Variants in GLIS3 observed in about 807,000 individuals in gnomAD.
GLIS3 encodes GLIS family zinc finger 3.
Under a neutral mutation model 78.6 loss-of-function variants are expected in GLIS3, and 53 were observed. That is an observed-to-expected ratio of 0.67 (90% confidence interval 0.54 to 0.85). GLIS3 has a LOEUF of 0.85. Ranked by LOEUF, GLIS3 falls within the 40% of genes least tolerant of loss-of-function variation. The probability of loss-of-function intolerance (pLI) is 0.00; values close to 1 mark genes in which losing one functional copy is unlikely to be tolerated. For synonymous variants in GLIS3, 684 were observed against 509.9 expected, an observed-to-expected ratio of 1.34 and a Z score of -4.60; for missense variants, 1,703 against 1,231.1, an observed-to-expected ratio of 1.38 and a Z score of -5.74.
intron 4 of GLIS3, among the ~76,000 whole-genome samples, chr9:3,965,001 A>G (rs1563898793): frequency 6.6e-6 from 1 of 152,042 alleles, no homozygotes; most frequent in Admixed American, 6.6e-5. Flanking sequence ...CAATTGTGTG[A>G]TCTTGGACAT....
At chr9:4,202,900 T>C (rs958560518) in intron 2 of GLIS3, among the ~76,000 whole-genome samples, 1 of 152,202 alleles carries the variant, frequency 6.6e-6, no homozygotes, top group African/African-American at 2.4e-5. Context: ...ATTCTGGACA[T>C]TGCCATGGGA....
chr9:3,865,361 C>G (rs1056871890), intron 8 of GLIS3, among the ~76,000 whole-genome samples: 1 of 152,192 alleles, frequency 6.6e-6, no homozygotes, highest in Admixed American at 6.5e-5. Flanking sequence ...ATTTCTAGAT[C>G]GCGCCTTTAA....
chr9:3,828,451 A>G (rs374480904), intron 10 of GLIS3, 43 bp from the exon 11 acceptor site: 6 of 1,609,816 alleles, frequency 3.7e-6, no homozygotes, highest in South Asian at 2.2e-5. Context: ...CTCCTGCCCC[A>G]TGCCACGCCC....
intron 1 of GLIS3, among the ~76,000 whole-genome samples, chr9:4,298,796 G>A (rs1410314953): frequency 1.3e-5 from 2 of 152,146 alleles, no homozygotes; most frequent in Non-Finnish European, 2.9e-5. Context: ...GGATCGCCGG[G>A]CCGGTACCCG....
intron 4 of GLIS3, among the ~76,000 whole-genome samples, chr9:3,979,757 T>C (rs1819094097): frequency 2.0e-5 from 3 of 152,228 alleles, no homozygotes; most frequent in South Asian, 2.1e-4. Flanking sequence ...TCTCTACTTA[T>C]GTGCCATTCA....
At chr9:3,930,657 T>C (rs1825555509) in intron 6 of GLIS3, among the ~76,000 whole-genome samples, 1 of 152,210 alleles carries the variant, frequency 6.6e-6, no homozygotes, top group Non-Finnish European at 1.5e-5. Flanking sequence ...CAGTGTTGCT[T>C]ATTTGTCTAG....
chr9:4,381,092 A>C, the GLIS3 span, among the ~76,000 whole-genome samples: 1 of 152,198 alleles, frequency 6.6e-6, no homozygotes, highest in African/African-American at 2.4e-5. Context: ...GGGAAATCTT[A>C]CTCATCAAAA....
the GLIS3 span, among the ~76,000 whole-genome samples, chr9:4,365,990 T>C: frequency 1.3e-5 from 2 of 152,162 alleles, no homozygotes; most frequent in African/African-American, 4.8e-5. Context: ...TAAGGTGTCA[T>C]TGAAAAGTGT....
intron 4 of GLIS3, among the ~76,000 whole-genome samples, chr9:4,307,442 C>T (rs1361309690): frequency 6.6e-6 from 1 of 152,156 alleles, no homozygotes; most frequent in Non-Finnish European, 1.5e-5. Flanking sequence ...CCCAAGCCTG[C>T]TGTTTTATCT....
At chr9:4,366,432 C>T in the GLIS3 span, among the ~76,000 whole-genome samples, 2 of 152,140 alleles carry the variant, frequency 1.3e-5, no homozygotes, top group South Asian at 2.1e-4. Flanking sequence ...GAGGCCCACA[C>T]CATGCCAAAT....
chr9:3,837,663 A>G (rs1336935749), intron 9 of GLIS3, among the ~76,000 whole-genome samples: 1 of 152,242 alleles, frequency 6.6e-6, no homozygotes, highest in East Asian at 1.9e-4. Context: ...GCTGAGTGAA[A>G]GAAGCCAATC....
At chr9:4,316,540 C>G (rs1000000567) in intron 2 of GLIS3, among the ~76,000 whole-genome samples, 2 of 152,236 alleles carry the variant, frequency 1.3e-5, no homozygotes, top group East Asian at 1.9e-4. Context: ...TACATGTTCT[C>G]TACATGTCTA....
At chr9:4,375,772 A>C in the GLIS3 span, among the ~76,000 whole-genome samples, 1 of 152,240 alleles carries the variant, frequency 6.6e-6, no homozygotes, top group Admixed American at 6.5e-5. Flanking sequence ...TGCGAGTGGG[A>C]AAGTTTTAGA....
At chr9:4,309,824 C>G (rs1033603395) in intron 3 of GLIS3, among the ~76,000 whole-genome samples, 1 of 151,998 alleles carries the variant, frequency 6.6e-6, no homozygotes, top group Non-Finnish European at 1.5e-5. Context: ...GCTGGGATAA[C>G]TCCGAAAGAG....
chr9:4,008,935 C>T (rs1051839633), intron 4 of GLIS3, among the ~76,000 whole-genome samples: 1 of 152,160 alleles, frequency 6.6e-6, no homozygotes, highest in African/African-American at 2.4e-5. Flanking sequence ...TAACTCACAG[C>T]CTAGGGCTCT....
the GLIS3 span, among the ~76,000 whole-genome samples, chr9:4,473,460 C>CAACAAAAAAAAAA: frequency 3.0e-5 from 4 of 131,294 alleles, no homozygotes; most frequent in African/African-American, 1.1e-4. Context: ...ACAACAACAA[C>CAACAAAAAAAAAA]AAAAAAAAAG....
At chr9:4,404,377 T>C in the GLIS3 span, among the ~76,000 whole-genome samples, 5 of 152,148 alleles carry the variant, frequency 3.3e-5, no homozygotes, top group African/African-American at 9.6e-5. Context: ...ATGAACCTAA[T>C]GAGTAGTCAC....
chr9:4,130,134 T>A (rs1480441245), intron 2 of GLIS3, among the ~76,000 whole-genome samples: 2 of 152,220 alleles, frequency 1.3e-5, no homozygotes, highest in Non-Finnish European at 2.9e-5. Flanking sequence ...AGATGTGGCC[T>A]GGCTGTTTCT....
the GLIS3 span, among the ~76,000 whole-genome samples, chr9:4,486,040 G>A: frequency 7.2e-5 from 11 of 152,108 alleles, no homozygotes; most frequent in South Asian, 1.9e-3. Flanking sequence ...GCTTTTAGTC[G>A]GGGAGATTTT....
Sources: gnomAD v4.1 joint callset for allele counts (sites outside exome capture counted in the v4.1 genomes callset) on GRCh38, gnomAD v4.1.1 for gene constraint, MANE v1.5 for transcripts, NCBI Gene and HGNC (gene_info 2026-07-23, HGNC 2026-07-21) for gene names.